The following CHP1 variants were observed in gnomAD, a reference collection of about 807,000 sequenced individuals.
The protein encoded by CHP1 is calcineurin like EF-hand protein 1.
In CHP1, 11 loss-of-function variants were observed where a neutral mutation model predicts 27.4. The ratio of observed to expected loss-of-function variants is 0.40; its 90% CI spans 0.25 to 0.67. The LOEUF is 0.67. CHP1 is among the 30% of genes least tolerant of loss of function. The probability of loss-of-function intolerance (pLI) is 0.38; values close to 1 mark genes in which losing one functional copy is unlikely to be tolerated. For missense variants in CHP1, 169 were observed against 251.3 expected (o/e 0.67, Z 2.22); for synonymous variants, 89 against 87.4 (o/e 1.02, Z -0.10).
intron 2 of CHP1, 76 bp downstream of exon 2, chr15:41,243,815 C>A: frequency 7.9e-7 from 1 of 1,272,892 alleles, no homozygotes; most frequent in East Asian, 2.4e-5. Flanking sequence ...TGCCTTTATC[C>A]CTAGGGTAGA....
At chr15:41,269,051 T>G (rs1427699359) in intron 4 of CHP1, among the ~76,000 whole-genome samples, 9 of 151,716 alleles carry the variant, frequency 5.9e-5, no homozygotes, top group Non-Finnish European at 1.5e-5. Context: ...TCTACAAAAA[T>G]TTTTAAAAAT....
At position 41,279,385 on chromosome 15, in the gene CHP1, A is replaced by G. The variant is rs1466987603; in HGVS notation, c.584A>G (p.His195Arg). ...CAGAAAATGAGCATCCGATTTCTTC[A>G]CTAAAGGAGACCAAACTGTTCCTTG... is the stretch of plus-strand genomic sequence containing the variant. ...VEQKMSIRFL[H>R] Residue 195 changes from histidine to arginine, a missense_variant, in exon 7 of 7, where the codon CAC becomes CGC. Coordinates refer to ENST00000334660, the MANE Select transcript of CHP1 (RefSeq NM_007236.5). 2 of 1,612,734 alleles carry G rather than the reference A, an allele frequency of 1.2e-6. No individual in the cohort carries two copies. The highest frequency in any genetic ancestry group is 1.7e-6 in the Non-Finnish European group (2 of 1,179,700).
intron 2 of CHP1, among the ~76,000 whole-genome samples, chr15:41,248,071 G>C (rs2047345463): frequency 6.6e-6 from 1 of 152,068 alleles, no homozygotes. Context: ...TGGAAAACCA[G>C]CAGACTAGCT....
intron 2 of CHP1, among the ~76,000 whole-genome samples, chr15:41,247,301 G>A (rs950261191): frequency 5.3e-5 from 8 of 151,686 alleles, no homozygotes; most frequent in East Asian, 1.9e-4. Context: ...CCCGGGAGGC[G>A]GAGGTTGTAG....
intron 5 of CHP1, among the ~76,000 whole-genome samples, chr15:41,277,516 G>A (rs368898759): frequency 2.6e-5 from 4 of 152,102 alleles, no homozygotes; most frequent in East Asian, 1.9e-4. Flanking sequence ...GTGGCTGGGC[G>A]CAGTGGCTCA....
At chr15:41,259,654 A>G (rs1032637428) in intron 3 of CHP1, among the ~76,000 whole-genome samples, 2 of 150,394 alleles carry the variant, frequency 1.3e-5, no homozygotes, top group African/African-American at 4.9e-5. Flanking sequence ...TTTAAACTTT[A>G]CTCCACATTA....
rs186647073 is a variant in CHP1, at chr15:41,267,204, T to G, written c.350-3353T>G. Among the ~76,000 whole-genome samples the G allele has an allele frequency of 4.1e-3, 616 of 151,302 alleles. 4 individuals are homozygous for G. The highest frequency in any genetic ancestry group is 0.023 in the South Asian group (108 of 4,784). On this transcript the variant is annotated intron_variant, in intron 4 of 6. Transcript: ENST00000334660. The stretch of plus-strand genomic sequence containing the variant: ...GATGGTGGTGGTGATGGTAATGGAG[T>G]TATTGTTAAAAGGGTACATTTTCCG...
chr15:41,247,369 T>TAA (rs201872245), intron 2 of CHP1, among the ~76,000 whole-genome samples: 1 of 139,020 alleles, frequency 7.2e-6, no homozygotes, highest in African/African-American at 2.7e-5. Context: ...ATCCTGCCTT[T>TAA]AAAAAAAAAA....
chr15:41,231,501 A>G (rs780635518), intron 1 of CHP1, 52 bp downstream of exon 1: 2 of 1,540,270 alleles, frequency 1.3e-6, no homozygotes, highest in South Asian at 1.2e-5. Context: ...TGGCCTCACA[A>G]CCAAGGGCGG....
At chr15:41,231,505 A>C in intron 1 of CHP1, 56 bp downstream of exon 1, 1 of 1,533,558 alleles carries the variant, frequency 6.5e-7, no homozygotes. Flanking sequence ...CTCACAACCA[A>C]GGGCGGCTGT....
intron 4 of CHP1, among the ~76,000 whole-genome samples, chr15:41,269,506 C>T (rs558466476): frequency 6.6e-6 from 1 of 152,220 alleles, no homozygotes; most frequent in African/African-American, 2.4e-5. Context: ...CTTTCAAGGC[C>T]TTGTTCAAAT....
intron 4 of CHP1, among the ~76,000 whole-genome samples, chr15:41,270,033 T>A (rs886449933): frequency 6.6e-6 from 1 of 152,134 alleles, no homozygotes; most frequent in Non-Finnish European, 1.5e-5. Context: ...CAGGAGACCA[T>A]CTGAGCCATC....
At chr15:41,270,494 A>T in intron 4 of CHP1, 63 bp from the exon 5 acceptor site, 2 of 1,215,126 alleles carry the variant, frequency 1.6e-6, no homozygotes, top group South Asian at 1.2e-5. Context: ...TTATATATTT[A>T]GTTCCTTGAG....
chr15:41,261,853 G>A (rs943384789), intron 3 of CHP1, among the ~76,000 whole-genome samples: 3 of 151,860 alleles, frequency 2.0e-5, no homozygotes, highest in Admixed American at 6.6e-5. Context: ...TTAGCTGAGC[G>A]TGGTGGCGCA....
intron 5 of CHP1, chr15:41,272,257 C>G (rs1007902488): frequency 6.6e-6 from 1 of 152,064 alleles, no homozygotes. Context: ...CTCGGCCTCC[C>G]AAAGTGCTGG....
intron 2 of CHP1, among the ~76,000 whole-genome samples, chr15:41,247,536 G>A: frequency 6.6e-6 from 1 of 151,862 alleles, no homozygotes; most frequent in East Asian, 1.9e-4. Flanking sequence ...ACCAGGTGTG[G>A]TGGCGCACGC....
chr15:41,276,240 C>CAAAAA (rs11451377), intron 5 of CHP1, among the ~76,000 whole-genome samples: 1 of 126,044 alleles, frequency 7.9e-6, no homozygotes. Flanking sequence ...GACTCCATCT[C>CAAAAA]AAAAAAAAAA....
intron 4 of CHP1, among the ~76,000 whole-genome samples, chr15:41,263,226 A>G (rs1227461010): frequency 6.6e-6 from 1 of 152,240 alleles, no homozygotes; most frequent in Non-Finnish European, 1.5e-5. Flanking sequence ...GTTACCTAGT[A>G]TCATTATAAT....
intron 2 of CHP1, among the ~76,000 whole-genome samples, chr15:41,250,719 A>C (rs2047362068): frequency 6.6e-6 from 1 of 151,176 alleles, no homozygotes; most frequent in African/African-American, 2.4e-5. Context: ...TTTTTAGTCT[A>C]AGAAGGTTCA....
Sources: allele counts gnomAD v4.1 joint callset (sites outside exome capture counted in the v4.1 genomes callset), GRCh38; gene constraint gnomAD v4.1.1; transcripts MANE v1.5; gene names NCBI Gene and HGNC (gene_info 2026-07-23, HGNC 2026-07-21).